The following IQCM variants were observed in gnomAD, a reference collection of about 807,000 sequenced individuals.
IQCM encodes IQ motif containing M, also known as IQ domain-containing protein M.
Under a neutral mutation model 57.6 loss-of-function variants are expected in IQCM, and 45 were observed. The ratio of observed to expected loss-of-function variants is 0.78; its 90% confidence interval spans 0.62 to 1.00. The LOEUF is 1.00. Among genes scored for constraint, IQCM ranks in the 50% least tolerant of loss-of-function variants. The pLI is 0.00. For missense variants in IQCM, 468 were observed against 511.6 expected, an observed-to-expected ratio of 0.91 and a Z score of 0.82; for synonymous variants, 148 against 158.9, an observed-to-expected ratio of 0.93 and a Z score of 0.51.
intron 5 of IQCM, among the ~76,000 whole-genome samples, chr4:149,716,471 T>C (rs1273232262): frequency 6.6e-6 from 1 of 152,128 alleles, no homozygotes; most frequent in Non-Finnish European, 1.5e-5. Context: ...AGAGCAGAGA[T>C]GTCCAGGTCC....
At chr4:149,654,040 A>G (rs574400605) in intron 7 of IQCM, among the ~76,000 whole-genome samples, 1 of 152,324 alleles carries the variant, frequency 6.6e-6, no homozygotes, top group South Asian at 2.1e-4. Context: ...TACATATGTT[A>G]CATTTATTTG....
At chr4:149,416,153 G>C (rs1054210695) in intron 13 of IQCM, among the ~76,000 whole-genome samples, 2 of 152,044 alleles carry the variant, frequency 1.3e-5, no homozygotes, top group Admixed American at 6.6e-5. Flanking sequence ...AACCCAGACA[G>C]ATTTTTCTTC....
intron 2 of IQCM, among the ~76,000 whole-genome samples, chr4:149,774,055 C>T (rs1770836890): frequency 6.6e-6 from 1 of 152,056 alleles, no homozygotes; most frequent in South Asian, 2.1e-4. Context: ...GCTTCTCTAT[C>T]GTGACTTTCA....
intron 12 of IQCM, among the ~76,000 whole-genome samples, chr4:149,454,732 C>T (rs568522099): frequency 2.0e-5 from 3 of 151,974 alleles, no homozygotes; most frequent in Admixed American, 6.6e-5. Flanking sequence ...AAACATTATG[C>T]TAAGTGAAAG....
chr4:149,700,396 T>A (rs777285738), intron 5 of IQCM, among the ~76,000 whole-genome samples: 5 of 151,814 alleles, frequency 3.3e-5, no homozygotes, highest in Non-Finnish European at 5.9e-5. Flanking sequence ...TGTAACTCTA[T>A]CAGGTCACCC....
intron 12 of IQCM, among the ~76,000 whole-genome samples, chr4:149,537,930 C>T (rs1398179099): frequency 1.3e-5 from 2 of 151,688 alleles, no homozygotes; most frequent in South Asian, 2.1e-4. Context: ...AATGAATACA[C>T]TGCCAGAGAC....
intron 12 of IQCM, among the ~76,000 whole-genome samples, chr4:149,479,918 G>T (rs1183262409): frequency 2.6e-5 from 4 of 152,148 alleles, no homozygotes; most frequent in African/African-American, 9.7e-5. Flanking sequence ...ACCTTTAGTA[G>T]AAACTGCCAC....
Position 149,543,399 on chromosome 4 carries a change from C to T in IQCM, c.1228+5056G>A, listed in dbSNP as rs186712228. 4.6e-5 allele frequency among the ~76,000 whole-genome samples: 7 copies of T among 152,138 alleles called. No homozygotes were observed. The East Asian group carries it at 1.4e-3, about 29-fold the overall frequency. On this transcript the variant is annotated intron_variant, in intron 12 of 13. Transcript: ENST00000636793. ...AAATAGTAAATGTTAACAATTGCCC[C>T]TTCCTGTGTCCATGTGTTCTCATTG...
chr4:149,471,667 A>C (rs1319058935), intron 12 of IQCM, among the ~76,000 whole-genome samples: 4 of 152,156 alleles, frequency 2.6e-5, no homozygotes, highest in African/African-American at 9.7e-5. Context: ...AGACACAACA[A>C]AAAAAGAGAA....
At chr4:149,501,128 C>T (rs868252233) in intron 12 of IQCM, among the ~76,000 whole-genome samples, 17 of 152,180 alleles carry the variant, frequency 1.1e-4, no homozygotes, top group Middle Eastern at 3.2e-3. Context: ...CAGTGACTTT[C>T]CTTTGCCCTT....
chr4:149,483,220 C>CT (rs1417447759), intron 12 of IQCM, among the ~76,000 whole-genome samples: 1 of 151,648 alleles, frequency 6.6e-6, no homozygotes, highest in Non-Finnish European at 1.5e-5. Context: ...TGCAAAAAAA[C>CT]TTTTTGTTTC....
At chr4:149,462,025 T>C in intron 12 of IQCM, among the ~76,000 whole-genome samples, 1 of 152,212 alleles carries the variant, frequency 6.6e-6, no homozygotes. Context: ...ACAGGCTTTA[T>C]GTATTACATA....
chr4:149,424,783 T>A (rs1734353389), intron 13 of IQCM, among the ~76,000 whole-genome samples: 1 of 152,000 alleles, frequency 6.6e-6, no homozygotes, highest in South Asian at 2.1e-4. Context: ...ATTTGCATTG[T>A]TTCAACATTT....
chr4:149,539,486 C>T (rs571099744), intron 12 of IQCM, among the ~76,000 whole-genome samples: 24 of 152,086 alleles, frequency 1.6e-4, no homozygotes, highest in Non-Finnish European at 3.2e-4. Flanking sequence ...TACACCAATG[C>T]ACATTTACTA....
chr4:149,495,377 T>C (rs1742548151), intron 12 of IQCM, among the ~76,000 whole-genome samples: 1 of 152,202 alleles, frequency 6.6e-6, no homozygotes, highest in Middle Eastern at 3.4e-3. Flanking sequence ...CACAAACCCA[T>C]GTTACTGGTG....
At chr4:149,363,182 G>A (rs1729610293) in intron 13 of IQCM, among the ~76,000 whole-genome samples, 1 of 152,110 alleles carries the variant, frequency 6.6e-6, no homozygotes, top group Non-Finnish European at 1.5e-5. Context: ...GTCAGGAGAG[G>A]GCCTTCTGCC....
intron 12 of IQCM, among the ~76,000 whole-genome samples, chr4:149,492,839 G>A (rs1186552149): frequency 6.6e-6 from 1 of 152,040 alleles, no homozygotes; most frequent in Non-Finnish European, 1.5e-5. Flanking sequence ...TTGGTAACTA[G>A]CCCAGACTGA....
At chr4:149,396,163 C>T (rs1732214030) in intron 13 of IQCM, among the ~76,000 whole-genome samples, 2 of 151,444 alleles carry the variant, frequency 1.3e-5, no homozygotes, top group African/African-American at 2.4e-5. Context: ...ACAAAAAATA[C>T]CTGCATCATC....
At chr4:149,627,943 C>A (rs1311606504) in intron 7 of IQCM, among the ~76,000 whole-genome samples, 1 of 152,034 alleles carries the variant, frequency 6.6e-6, no homozygotes, top group Non-Finnish European at 1.5e-5. Flanking sequence ...GCTCATAAGT[C>A]AAGGAATGCA....
Sources: gnomAD v4.1 joint callset for allele counts (sites outside exome capture counted in the v4.1 genomes callset) on GRCh38, gnomAD v4.1.1 for gene constraint, MANE v1.5 for transcripts, NCBI Gene and HGNC (gene_info 2026-07-23, HGNC 2026-07-21) for gene names.